C12orf75: variants seen among roughly 807,000 people sequenced by gnomAD.
The protein encoded by C12orf75 is overexpressed in colon carcinoma 1 protein.
Under a neutral mutation model 11.4 loss-of-function variants are expected in C12orf75, and 4 were observed. That is an observed-to-expected ratio of 0.35 (90% CI 0.17 to 0.80). The LOEUF (loss-of-function observed/expected upper bound fraction) is 0.80, where lower values mean the gene tolerates loss of function less well. C12orf75 is among the 30% of genes least tolerant of loss of function. The probability of loss-of-function intolerance (pLI) is 0.52; values close to 1 mark genes in which losing one functional copy is unlikely to be tolerated. For missense variants in C12orf75, 89 were observed against 80.4 expected (o/e 1.11, Z -0.41); for synonymous variants, 30 against 30.0 (o/e 1.00, Z 0.00).
In C12orf75 at chr12:105,366,662, T is replaced by C. The variant is rs982690639; in HGVS notation, c.153T>C (p.Asn51=). ...TTGGCCTACCATCTGAAGCTGTCAA[T>C]ATGGTGTCCAGTCAAACAAAGACGG... ...VYVGLPSEAV[N]MVSSQTKTVR... is the part of the protein sequence containing the mutation. Residue 51 remains asparagine (N), a synonymous_variant, in exon 4 of 6, where the codon AAT becomes AAC. Coordinates refer to ENST00000443585, the MANE Select transcript of C12orf75 (RefSeq NM_001145199.2). 1.9e-6 allele frequency: 3 copies of C among 1,543,236 alleles called. No individual in the cohort carries two copies. Among genetic ancestry groups the C allele is most frequent in the African/African-American group, 2.7e-5 (2 of 72,882 alleles).
At chr12:105,335,671 A>G (rs181275353) in intron 1 of C12orf75, among the ~76,000 whole-genome samples, 161 of 142,632 alleles carry the variant, frequency 1.1e-3, no homozygotes, top group African/African-American at 4.0e-3. Flanking sequence ...TTTTAATGGA[A>G]CTCACTCTTG....
intron 2 of C12orf75, among the ~76,000 whole-genome samples, chr12:105,349,250 C>CT (rs951392000): frequency 6.6e-6 from 1 of 152,186 alleles, no homozygotes; most frequent in African/African-American, 2.4e-5. Flanking sequence ...GCAGTTCACT[C>CT]TTTAAGAGTA....
At chr12:105,342,120 G>T (rs143432867) in intron 1 of C12orf75, among the ~76,000 whole-genome samples, 4 of 152,200 alleles carry the variant, frequency 2.6e-5, no homozygotes, top group Admixed American at 2.0e-4. Context: ...TGAGGTTTTC[G>T]TAGGTGCTGT....
At chr12:105,334,555 A>C (rs1348943778) in intron 1 of C12orf75, among the ~76,000 whole-genome samples, 1 of 152,200 alleles carries the variant, frequency 6.6e-6, no homozygotes, top group Non-Finnish European at 1.5e-5. Flanking sequence ...GATTTTTCCC[A>C]ACCTGCAACT....
At chr12:105,342,102 A>G (rs1420932784) in intron 1 of C12orf75, among the ~76,000 whole-genome samples, 2 of 152,200 alleles carry the variant, frequency 1.3e-5, no homozygotes, top group African/African-American at 4.8e-5. Flanking sequence ...TAATACATCC[A>G]GTTATTTTGA....
chr12:105,339,606 T>TTTTC (rs764909487), intron 1 of C12orf75, among the ~76,000 whole-genome samples: 43 of 152,090 alleles, frequency 2.8e-4, no homozygotes, highest in African/African-American at 6.7e-4. Context: ...GTATATGACC[T>TTTTC]TTTCTTTCTT....
intron 2 of C12orf75, among the ~76,000 whole-genome samples, chr12:105,354,701 A>C (rs1892753302): frequency 6.9e-6 from 1 of 145,440 alleles, no homozygotes; most frequent in Admixed American, 6.8e-5. Context: ...ATATATTCCC[A>C]TTGGTAGCCA....
intron 2 of C12orf75, among the ~76,000 whole-genome samples, chr12:105,357,815 A>T (rs200158773): frequency 0.22 from 25,491 of 117,304 alleles, 2,566 homozygotes; most frequent in Non-Finnish European, 0.29. Flanking sequence ...TGTGAGAGAG[A>T]GAGAGAGAGA....
intron 1 of C12orf75, among the ~76,000 whole-genome samples, chr12:105,340,062 G>A (rs563571637): frequency 1.3e-5 from 2 of 152,196 alleles, no homozygotes; most frequent in African/African-American, 4.8e-5. Flanking sequence ...TAATGTATAC[G>A]ACAGGCTGAT....
chr12:105,350,721 G>A (rs1892702878), intron 2 of C12orf75, among the ~76,000 whole-genome samples: 1 of 151,988 alleles, frequency 6.6e-6, no homozygotes, highest in Admixed American at 6.6e-5. Context: ...CCATTTTATT[G>A]TGCTCTAGAG....
intron 1 of C12orf75, among the ~76,000 whole-genome samples, chr12:105,338,638 CT>C (rs1277473946): frequency 6.6e-6 from 1 of 152,180 alleles, no homozygotes; most frequent in Non-Finnish European, 1.5e-5. Context: ...TCTGCTTCTG[CT>C]GAGGGCTTCA....
At chr12:105,348,066 G>A (rs570238739) in intron 1 of C12orf75, among the ~76,000 whole-genome samples, 2 of 152,322 alleles carry the variant, frequency 1.3e-5, no homozygotes, top group African/African-American at 4.8e-5. Context: ...TTAAAGATGG[G>A]TGGAATAGAT....
chr12:105,359,918 G>A (rs556304337), intron 2 of C12orf75, among the ~76,000 whole-genome samples: 44 of 152,286 alleles, frequency 2.9e-4, no homozygotes, highest in African/African-American at 9.9e-4. Context: ...CTCCCAAAGA[G>A]TGTGATCAAG....
intron 2 of C12orf75, among the ~76,000 whole-genome samples, chr12:105,364,415 A>C (rs1315137040): frequency 6.6e-6 from 1 of 152,242 alleles, no homozygotes; most frequent in Non-Finnish European, 1.5e-5. Context: ...ATTAGGTCTC[A>C]AGATGGATTT....
intron 1 of C12orf75, among the ~76,000 whole-genome samples, chr12:105,342,824 C>G (rs942859314): frequency 5.3e-5 from 8 of 152,164 alleles, no homozygotes; most frequent in African/African-American, 1.2e-4. Context: ...GACCAAATAT[C>G]TTATGATGAA....
intron 1 of C12orf75, among the ~76,000 whole-genome samples, chr12:105,344,229 T>C (rs570698721): frequency 2.0e-5 from 3 of 152,342 alleles, no homozygotes; most frequent in African/African-American, 7.2e-5. Flanking sequence ...CCTAGCTGCA[T>C]TTGTTGGCCC....
chr12:105,339,871 C>T (rs946406655), intron 1 of C12orf75, among the ~76,000 whole-genome samples: 1 of 152,066 alleles, frequency 6.6e-6, no homozygotes, highest in Non-Finnish European at 1.5e-5. Context: ...CCACCCACCT[C>T]AGCCTCCCAA....
chr12:105,361,053 G>A (rs1007006086), intron 2 of C12orf75, among the ~76,000 whole-genome samples: 7 of 152,068 alleles, frequency 4.6e-5, no homozygotes, highest in African/African-American at 1.7e-4. Context: ...TGGGATTAAA[G>A]GTGTGAGCCA....
At chr12:105,361,485 C>T (rs1892864842) in intron 2 of C12orf75, among the ~76,000 whole-genome samples, 1 of 152,076 alleles carries the variant, frequency 6.6e-6, no homozygotes, top group African/African-American at 2.4e-5. Context: ...TTTGAACAGC[C>T]ACTTCTCTTA....
Sources: allele counts gnomAD v4.1 joint callset (sites outside exome capture counted in the v4.1 genomes callset), GRCh38; gene constraint gnomAD v4.1.1; transcripts MANE v1.5; gene names NCBI Gene and HGNC (gene_info 2026-07-23, HGNC 2026-07-21).